The following TNS3 variants were observed in gnomAD, a reference collection of about 807,000 sequenced individuals.
TNS3 encodes the protein tensin 3.
In TNS3, 45 loss-of-function variants were observed where a neutral mutation model predicts 140.9. The observed-to-expected ratio is 0.32, with a 90% CI of 0.25 to 0.41. The LOEUF is 0.41. TNS3 is among the 10% of genes least tolerant of loss of function. The pLI, the probability that TNS3 is intolerant of heterozygous loss-of-function variation, is 1.00. For synonymous variants in TNS3, 815 were observed against 788.4 expected, an observed-to-expected ratio of 1.03 and a Z score of -0.56; for missense variants, 1,716 against 1,906.7, an observed-to-expected ratio of 0.90 and a Z score of 1.86.
In TNS3 at chr7:47,417,817, C is replaced by T. The variant is rs190105860; in HGVS notation, c.474-2611G>A. Among the ~76,000 whole-genome samples, 714 of 151,714 alleles carry T rather than the reference C, an allele frequency of 4.7e-3. 5 individuals carry two copies. The highest frequency in any genetic ancestry group is 0.017 in the African/African-American group (686 of 41,440). ...CAAATAAAAGCATGCCTTTAAAAAA[C>T]ATTTTTTAAAAAATAGCAATGCCTT... is the stretch of plus-strand genomic sequence containing the variant. On this transcript the variant is annotated intron_variant, in intron 10 of 30. Transcript: ENST00000311160.
intron 22 of TNS3, 97 bp downstream of exon 22, chr7:47,302,853 G>T: frequency 6.8e-7 from 1 of 1,474,294 alleles, no homozygotes; most frequent in Non-Finnish European, 9.1e-7. Flanking sequence ...GCCCAGCCCA[G>T]CACTAGAGAT....
In TNS3 at chr7:47,536,828, T is replaced by G. The variant is rs1175480656; in HGVS notation, c.-264-7681A>C. 2.6e-5 allele frequency among the ~76,000 whole-genome samples: 4 copies of G among 152,072 alleles called. No homozygotes were observed. In the East Asian group the frequency reaches 7.7e-4, roughly 29 times the overall value. On this transcript the variant is annotated intron_variant, in intron 1 of 30. Transcript: ENST00000311160. ...ACGCGCGCTCACAAGCACACACGCG[T>G]GGACGTGCAGACGGGGTGCACACAC...
chr7:47,411,311 A>G (rs1335549662), intron 13 of TNS3, among the ~76,000 whole-genome samples: 1 of 152,236 alleles, frequency 6.6e-6, no homozygotes, highest in East Asian at 1.9e-4. Context: ...GGCACCAGGG[A>G]CTGGTTTCAC....
chr7:47,368,271 G>A lies in TNS3; in HGVS notation c.2281+94C>T, dbSNP rs116871471. The A allele has an allele frequency of 1.7e-3, 2,114 of 1,261,918 alleles. 2 individuals are homozygous for A. Among genetic ancestry groups the A allele is most frequent in the Non-Finnish European group, 1.9e-3 (1,832 of 976,174 alleles). 78.2% of individuals were successfully genotyped at this position (1,261,918 alleles called of 1,614,324 possible). The stretch of plus-strand genomic sequence containing the variant: ...GAAATGTCCCTCCCTTGTGGATTTC[G>A]CCAAAAGCTAACCTACTAGGCTGAT... On this transcript the variant is annotated intron_variant, in intron 17 of 30. Transcript: ENST00000311160.
intron 20 of TNS3, among the ~76,000 whole-genome samples, chr7:47,321,727 G>A (rs1405237043): frequency 1.3e-5 from 2 of 152,194 alleles, no homozygotes; most frequent in African/African-American, 4.8e-5. Flanking sequence ...TGTGCTCTGA[G>A]GGGAAGGAGG....
intron 16 of TNS3, among the ~76,000 whole-genome samples, chr7:47,388,542 TTAAGAAGCACAGCTCCTCTGGACTC>T (rs1792206718): frequency 6.6e-6 from 1 of 151,900 alleles, no homozygotes; most frequent in Non-Finnish European, 1.5e-5. Context: ...TGAAAAGAGA[TTAAGAAGCACAGCTCCTCTGGACTC>T]TAAGAAGACA....
At chr7:47,361,656 G>A (rs1415778885) in intron 17 of TNS3, among the ~76,000 whole-genome samples, 10 of 152,082 alleles carry the variant, frequency 6.6e-5, no homozygotes, top group Admixed American at 3.9e-4. Context: ...TTAAATCAAC[G>A]GGCTCTCCAT....
At chr7:47,474,814 TCA>T (rs1240110317) in intron 4 of TNS3, among the ~76,000 whole-genome samples, 1 of 83,942 alleles carries the variant, frequency 1.2e-5, no homozygotes, top group Non-Finnish European at 2.4e-5. Flanking sequence ...CACACACACC[TCA>T]CACACAACAC....
chr7:47,313,632 C>T (rs969254806), intron 20 of TNS3, among the ~76,000 whole-genome samples: 1 of 152,182 alleles, frequency 6.6e-6, no homozygotes, highest in Non-Finnish European at 1.5e-5. Flanking sequence ...CACAAAGCCA[C>T]GGGGGCAATC....
At chr7:47,347,763 A>G (rs1220970962) in intron 17 of TNS3, among the ~76,000 whole-genome samples, 1 of 152,164 alleles carries the variant, frequency 6.6e-6, no homozygotes, top group African/African-American at 2.4e-5. Context: ...CCAGGGAAAG[A>G]AGGAGGAAGA....
At chr7:47,524,120 G>A (rs1392052691) in intron 2 of TNS3, among the ~76,000 whole-genome samples, 2 of 152,184 alleles carry the variant, frequency 1.3e-5, no homozygotes, top group African/African-American at 4.8e-5. Flanking sequence ...CACATCCAGG[G>A]TGCAGTGCAG....
At chr7:47,282,043 G>A (rs1785172860) in intron 28 of TNS3, among the ~76,000 whole-genome samples, 2 of 151,650 alleles carry the variant, frequency 1.3e-5, no homozygotes, top group Non-Finnish European at 2.9e-5. Flanking sequence ...CCACCAGGTA[G>A]ATGATCCATA....
chr7:47,366,360 G>A (rs1440536383), intron 17 of TNS3, among the ~76,000 whole-genome samples: 1 of 152,176 alleles, frequency 6.6e-6, no homozygotes, highest in African/African-American at 2.4e-5. Flanking sequence ...CAAAGAGGGA[G>A]TTACTCAGGC....
chr7:47,352,300 A>C (rs1438754788), intron 17 of TNS3, among the ~76,000 whole-genome samples: 2 of 151,956 alleles, frequency 1.3e-5, no homozygotes, highest in Non-Finnish European at 2.9e-5. Flanking sequence ...ACATTGTCAC[A>C]CTCACATTCA....
chr7:47,393,481 G>A (rs1192717348), intron 16 of TNS3, among the ~76,000 whole-genome samples: 1 of 152,052 alleles, frequency 6.6e-6, no homozygotes, highest in African/African-American at 2.4e-5. Flanking sequence ...CCAGTTTTGG[G>A]AGAGGACTCA....
At position 47,354,154 on chromosome 7, in the gene TNS3, T is replaced by A. The variant is rs533006638; in HGVS notation, c.2282-7798A>T. ...TATTCTCCAAACACTACTACAAAAC[T>A]GTCCATGCCTATATATTTTTCTGTT... On this transcript the variant is annotated intron_variant, in intron 17 of 30. Coordinates refer to ENST00000311160, the MANE Select transcript of TNS3 (RefSeq NM_022748.12). 3.9e-5 allele frequency among the ~76,000 whole-genome samples: 6 copies of A among 152,172 alleles called. No homozygotes were observed. The South Asian group carries it at 1.2e-3, about 32-fold the overall frequency.
At chr7:47,354,254 C>T (rs192233092) in intron 17 of TNS3, among the ~76,000 whole-genome samples, 34 of 152,312 alleles carry the variant, frequency 2.2e-4, no homozygotes, top group Admixed American at 1.0e-3. Flanking sequence ...TGCCACCACA[C>T]AGATGGCTGT....
chr7:47,519,769 G>A (rs1584803639), intron 2 of TNS3, among the ~76,000 whole-genome samples: 3 of 151,586 alleles, frequency 2.0e-5, no homozygotes, highest in East Asian at 3.9e-4. Context: ...GAGTCATGCA[G>A]AGGCCAGGCT....
chr7:47,447,229 G>A (rs1795788520), intron 4 of TNS3, among the ~76,000 whole-genome samples: 1 of 151,106 alleles, frequency 6.6e-6, no homozygotes, highest in South Asian at 2.1e-4. Context: ...CTGCCTGGAG[G>A]GTCATTCTGG....
Sources: allele counts gnomAD v4.1 joint callset (sites outside exome capture counted in the v4.1 genomes callset), GRCh38; gene constraint gnomAD v4.1.1; transcripts MANE v1.5; gene names NCBI Gene and HGNC (gene_info 2026-07-23, HGNC 2026-07-21).